Variants in XKR4 observed in about 807,000 individuals in gnomAD.
The protein encoded by XKR4 is XK-related protein 4.
Under a neutral mutation model 53.9 loss-of-function variants are expected in XKR4, and 12 were observed. The observed-to-expected ratio is 0.22, with a 90% confidence interval of 0.14 to 0.36. The LOEUF is 0.36. XKR4 is among the 10% of genes least tolerant of loss of function. The pLI, the probability that XKR4 is intolerant of heterozygous loss-of-function variation, is 1.00. For missense variants in XKR4, 799 were observed against 859.5 expected (o/e 0.93, Z 0.88); for synonymous variants, 354 against 362.4 (o/e 0.98, Z 0.26).
chr8:55,430,454 T>C (rs1162979088), intron 2 of XKR4, among the ~76,000 whole-genome samples: 2 of 152,170 alleles, frequency 1.3e-5, no homozygotes, highest in Admixed American at 1.3e-4. Context: ...TTATATAACA[T>C]TCTTGGAATG....
rs553980876 is a variant in XKR4 at position 55,118,054 on chromosome 8, T to C, written c.806+14760T>C. Among the ~76,000 whole-genome samples the C allele has an allele frequency of 1.2e-4, 19 of 152,334 alleles. 1 individual carries two copies. The South Asian group carries it at 3.9e-3, about 32-fold the overall frequency. On this transcript the variant is annotated intron_variant, in intron 1 of 2. Coordinates refer to ENST00000327381, the MANE Select transcript of XKR4 (RefSeq NM_052898.2). ...CTAAACCGAGAATATCAATTCTTTT[T>C]ATATACCTTATTGAATATCTGCGTG...
rs182054313 is a variant in XKR4, at chr8:55,337,648, G to T, written c.807-20030G>T. Among the ~76,000 whole-genome samples the T allele has an allele frequency of 3.3e-5, 5 of 152,314 alleles. No homozygotes were observed. In the East Asian group the frequency reaches 9.6e-4, roughly 29 times the overall value. On this transcript the variant is annotated intron_variant, in intron 1 of 2. Transcript: ENST00000327381. ...AAGGGAAACGATGAAAGAATTGTAT[G>T]CAGTGGCAGGGGCAATGGTAAGATA...
At position 55,528,435 on chromosome 8, in the gene XKR4, A is replaced by G. The variant is rs1210901881; in HGVS notation, c.*4208A>G. 6.6e-6 allele frequency: 1 copy of G among 152,264 alleles called. No individual in the cohort carries two copies. Among genetic ancestry groups the G allele is most frequent in the East Asian group, 1.9e-4 (1 of 5,204 alleles). 9.4% of individuals were successfully genotyped at this position (152,264 alleles called of 1,614,324 possible). ...TACCAAATGCCGTTGATTGGAAACA[A>G]GTTCTGACACAATGTTTAGACAAGA... On this transcript the variant is annotated 3_prime_UTR_variant, in exon 3 of 3. Transcript: ENST00000327381.
chr8:55,463,665 C>G (rs1301831208), intron 2 of XKR4, among the ~76,000 whole-genome samples: 2 of 151,816 alleles, frequency 1.3e-5, no homozygotes, highest in African/African-American at 4.8e-5. Context: ...AAAAACTGTT[C>G]AAAAAATCAA....
chr8:55,279,435 T>A (rs1039458317), intron 1 of XKR4, among the ~76,000 whole-genome samples: 2 of 152,244 alleles, frequency 1.3e-5, no homozygotes, highest in African/African-American at 2.4e-5. Context: ...GCACTTGCAT[T>A]GCTCCAACTG....
chr8:55,364,476 C>T (rs1477544581), intron 2 of XKR4, among the ~76,000 whole-genome samples: 1 of 152,190 alleles, frequency 6.6e-6, no homozygotes, highest in East Asian at 1.9e-4. Flanking sequence ...AATATTCATG[C>T]CAAGCAGGTT....
At chr8:55,387,673 G>C (rs529167326) in intron 2 of XKR4, among the ~76,000 whole-genome samples, 1 of 152,218 alleles carries the variant, frequency 6.6e-6, no homozygotes, top group African/African-American at 2.4e-5. Flanking sequence ...CCAGGGCCCA[G>C]TATTCTCAGC....
chr8:55,197,999 A>T lies in XKR4; in HGVS notation c.806+94705A>T, dbSNP rs960880771. On this transcript the variant is annotated intron_variant, in intron 1 of 2. Coordinates refer to ENST00000327381, the MANE Select transcript of XKR4 (RefSeq NM_052898.2). Reference sequence around the variant, plus strand: ...ATAAATGCCCAGACTGAAGGCCTCTACACTGGCCAAGTAAAATGTTTTAAT... The same window carrying T: ...ATAAATGCCCAGACTGAAGGCCTCTTCACTGGCCAAGTAAAATGTTTTAAT... Among the ~76,000 whole-genome samples, 14 of 152,310 alleles carry T rather than the reference A, an allele frequency of 9.2e-5. 1 individual carries two copies. The highest frequency in any genetic ancestry group is 8.5e-4 in the Admixed American group (13 of 15,296).
intron 1 of XKR4, among the ~76,000 whole-genome samples, chr8:55,117,274 T>C (rs1816323286): frequency 6.6e-6 from 1 of 152,166 alleles, no homozygotes; most frequent in South Asian, 2.1e-4. Context: ...GATAAGAATT[T>C]ACTAGAAGTT....
chr8:55,272,381 C>T (rs969675291), intron 1 of XKR4, among the ~76,000 whole-genome samples: 6 of 152,056 alleles, frequency 3.9e-5, no homozygotes, highest in South Asian at 2.1e-4. Context: ...GTAAAGCCAC[C>T]GTGTCATGAG....
At chr8:55,447,708 A>G (rs994375643) in intron 2 of XKR4, among the ~76,000 whole-genome samples, 3 of 152,268 alleles carry the variant, frequency 2.0e-5, no homozygotes, top group African/African-American at 4.8e-5. Flanking sequence ...AAAGATTGCA[A>G]TAAAATTCAG....
intron 2 of XKR4, among the ~76,000 whole-genome samples, chr8:55,411,576 CTA>C (rs1804779017): frequency 1.3e-5 from 2 of 152,182 alleles, no homozygotes; most frequent in East Asian, 3.9e-4. Flanking sequence ...GACCACTTGC[CTA>C]ACCCTGATTC....
chr8:55,404,742 G>T (rs934886960), intron 2 of XKR4, among the ~76,000 whole-genome samples: 47 of 152,180 alleles, frequency 3.1e-4, no homozygotes, highest in Non-Finnish European at 6.3e-4. Flanking sequence ...ATTGCTGCTT[G>T]TCTTGCTGGC....
chr8:55,267,996 A>G (rs918877014), intron 1 of XKR4, among the ~76,000 whole-genome samples: 1 of 152,214 alleles, frequency 6.6e-6, no homozygotes, highest in Non-Finnish European at 1.5e-5. Flanking sequence ...AAGGGATAAA[A>G]GAGGACATAT....
intron 1 of XKR4, among the ~76,000 whole-genome samples, chr8:55,306,166 C>G (rs1477081785): frequency 2.6e-5 from 4 of 152,098 alleles, no homozygotes; most frequent in African/African-American, 9.7e-5. Context: ...AAAAGCTGTG[C>G]ATGTGGGCCG....
chr8:55,289,963 A>G (rs979065672), intron 1 of XKR4, among the ~76,000 whole-genome samples: 5 of 152,010 alleles, frequency 3.3e-5, no homozygotes, highest in African/African-American at 1.2e-4. Flanking sequence ...CTTATAATGT[A>G]TGACTGGTTA....
chr8:55,103,885 A>ATATG (rs1554559291), intron 1 of XKR4, among the ~76,000 whole-genome samples: 18 of 137,436 alleles, frequency 1.3e-4, no homozygotes, highest in African/African-American at 5.1e-4. Flanking sequence ...ATATATATAT[A>ATATG]TATATATATC....
chr8:55,450,118 G>A, intron 2 of XKR4: 1 of 698,876 alleles, frequency 1.4e-6, no homozygotes, highest in Non-Finnish European at 2.6e-6. Flanking sequence ...GCGCTTAGCG[G>A]GTCGGCTCAG....
At position 55,541,299 on chromosome 8, in the gene XKR4, G is replaced by T. The variant is rs1807097397; in HGVS notation, c.*17072G>T. On this transcript the variant is annotated 3_prime_UTR_variant, in exon 3 of 3. Transcript: ENST00000327381. The stretch of plus-strand genomic sequence containing the variant: ...TTGTTTGTTTCTAAGGTTGGTTTTG[G>T]GTAAAATCCTCATTTCCACTCAACA... 1 of 151,992 alleles carries T rather than the reference G, an allele frequency of 6.6e-6. No individual in the cohort carries two copies. Among genetic ancestry groups the T allele is most frequent in the African/African-American group, 2.4e-5 (1 of 41,366 alleles). 9.4% of individuals were successfully genotyped at this position (151,992 alleles called of 1,614,324 possible).
Sources: gnomAD v4.1 joint callset for allele counts (sites outside exome capture counted in the v4.1 genomes callset) on GRCh38, gnomAD v4.1.1 for gene constraint, MANE v1.5 for transcripts, NCBI Gene and HGNC (gene_info 2026-07-23, HGNC 2026-07-21) for gene names.